Variants in RABIF observed in about 807,000 individuals in gnomAD.
RABIF encodes the protein RAB interacting factor.
A neutral mutation model predicts 12.3 loss-of-function variants in RABIF; 13 were observed. That is an observed-to-expected ratio of 1.06 (90% CI 0.69 to 1.68). RABIF has a LOEUF of 1.68. Ranked by LOEUF, RABIF falls within the 40% of genes most tolerant of loss-of-function variation. The pLI, the probability that RABIF is intolerant of heterozygous loss-of-function variation, is 0.00. For missense variants in RABIF, 153 were observed against 158.0 expected, an observed-to-expected ratio of 0.97 and a Z score of 0.17; for synonymous variants, 70 against 63.3, an observed-to-expected ratio of 1.11 and a Z score of -0.50.
At position 202,879,728 on chromosome 1, in the gene RABIF, G is replaced by A. The variant is rs1228285359; in HGVS notation, c.*1250C>T. On this transcript the variant is annotated 3_prime_UTR_variant, in exon 2 of 2. Coordinates refer to ENST00000367262, the MANE Select transcript of RABIF (RefSeq NM_002871.5). ...GGGTAAAGGAATGAGGAAGCAACTAGAAAACAATGGAAGGGACTTCAGATG... is the reference window on the plus strand; with the variant it reads ...GGGTAAAGGAATGAGGAAGCAACTAAAAAACAATGGAAGGGACTTCAGATG... The A allele has an allele frequency of 6.6e-6, 1 of 152,198 alleles. No individual in the cohort carries two copies. The highest frequency in any genetic ancestry group is 6.5e-5 in the Admixed American group (1 of 15,284). The allele number at this position is 152,198 out of a possible 1,614,324, so 9.4% of individuals were successfully genotyped here.
chr1:202,885,933 A>C (rs1659553266), intron 1 of RABIF, among the ~76,000 whole-genome samples: 1 of 151,486 alleles, frequency 6.6e-6, no homozygotes, highest in Non-Finnish European at 1.5e-5. Flanking sequence ...AATTTCCAGA[A>C]ATACTGAAGC....
At chr1:202,887,762 C>A (rs1659585731) in intron 1 of RABIF, among the ~76,000 whole-genome samples, 1 of 152,126 alleles carries the variant, frequency 6.6e-6, no homozygotes, top group African/African-American at 2.4e-5. Context: ...CCTCGGCCTC[C>A]CAAAGTGCTG....
chr1:202,881,103 T>C lies in RABIF; in HGVS notation c.247A>G (p.Thr83Ala). 6.2e-7 allele frequency: 1 copy of C among 1,614,180 alleles called. No homozygotes were observed. Among genetic ancestry groups the C allele is most frequent in the Non-Finnish European group, 8.5e-7 (1 of 1,180,030 alleles). Residue 83 changes from threonine (T) to alanine (A), a missense_variant, in exon 2 of 2, where the codon ACC becomes GCC. Coordinates refer to ENST00000367262, the MANE Select transcript of RABIF (RefSeq NM_002871.5). ...DMFIFENVGF[T>A]KDVGNIKFLV... ...AACTTGATGTTGCCCACGTCCTTGG[T>C]GAAGCCCACATTCTCAAAAATGAAC...
In RABIF at chr1:202,888,886, A is replaced by G; in HGVS notation, c.126+87T>C. The stretch of plus-strand genomic sequence containing the variant: ...GCGCGAGGAGGGCGCGGTTGCCGGA[A>G]ATTGAAGAGCCGGGGTTCAGATTCT... On this transcript the variant is annotated intron_variant, in intron 1 of 1. Coordinates refer to ENST00000367262, the MANE Select transcript of RABIF (RefSeq NM_002871.5). The G allele has an allele frequency of 3.5e-6, 5 of 1,420,782 alleles. 1 individual carries two copies. In the South Asian group the frequency reaches 6.0e-5, roughly 17 times the overall value. 88.0% of individuals were successfully genotyped at this position (1,420,782 alleles called of 1,614,324 possible).
At chr1:202,887,734 C>T (rs1659585176) in intron 1 of RABIF, among the ~76,000 whole-genome samples, 1 of 151,940 alleles carries the variant, frequency 6.6e-6, no homozygotes, top group Non-Finnish European at 1.5e-5. Flanking sequence ...ACACTCCTGA[C>T]CTCAGGTGTT....
intron 1 of RABIF, among the ~76,000 whole-genome samples, chr1:202,884,802 G>A (rs564347365): frequency 2.6e-5 from 4 of 152,028 alleles, no homozygotes; most frequent in East Asian, 1.9e-4. Context: ...ATCATTGTTC[G>A]GGCCGGGCAC....
At chr1:202,888,795 T>A (rs925835201) in intron 1 of RABIF, among the ~76,000 whole-genome samples, 178 bp downstream of exon 1, 3 of 152,186 alleles carry the variant, frequency 2.0e-5, no homozygotes, top group Admixed American at 1.3e-4. Context: ...GTTCCCTCCC[T>A]AGCCTTCAGC....
At chr1:202,884,066 C>T (rs1158034384) in intron 1 of RABIF, among the ~76,000 whole-genome samples, 3 of 152,094 alleles carry the variant, frequency 2.0e-5, no homozygotes, top group Non-Finnish European at 4.4e-5. Flanking sequence ...CAACTTGGTG[C>T]GAAGTTGCCA....
Position 202,881,037 on chromosome 1 carries a change from G to A in RABIF, c.313C>T (p.His105Tyr), listed in dbSNP as rs915853014. 5 of 1,614,020 alleles carry A rather than the reference G, an allele frequency of 3.1e-6. No homozygotes were observed. The highest frequency in any genetic ancestry group is 1.3e-5 in the African/African-American group (1 of 74,912). Residue 105 changes from histidine (H) to tyrosine (Y), a missense_variant, in exon 2 of 2, where the codon CAT becomes TAT. Physicochemically the swap from His to Tyr is moderately conservative, Grantham distance 83. Around this residue, in one of 2 missense-constraint regions of RABIF, gnomAD observed 40 missense variants for 67.1 expected, o/e 0.60. Transcript: ENST00000367262. ...AAACTGTTCTTGTCATCTAGGCAATGCCAGCCAATTGGTCCAATTTCACAG... is the reference window on the plus strand; with the variant it reads ...AAACTGTTCTTGTCATCTAGGCAATACCAGCCAATTGGTCCAATTTCACAG... ...ADCEIGPIGWHCLDDKNSFYV... is the reference protein window; with the variant it reads ...ADCEIGPIGWYCLDDKNSFYV...
intron 1 of RABIF, among the ~76,000 whole-genome samples, chr1:202,884,374 T>G (rs1659530486): frequency 1.3e-5 from 2 of 152,184 alleles, no homozygotes; most frequent in Admixed American, 1.3e-4. Context: ...TTACTTGTGT[T>G]GTTTTCAAAA....
At chr1:202,883,774 C>T (rs1227421730) in intron 1 of RABIF, among the ~76,000 whole-genome samples, 1 of 152,152 alleles carries the variant, frequency 6.6e-6, no homozygotes, top group Non-Finnish European at 1.5e-5. Flanking sequence ...AAGGTACTAC[C>T]ATAATTAACG....
chr1:202,886,223 C>CAACGGGG, intron 1 of RABIF, among the ~76,000 whole-genome samples: 1 of 40,436 alleles, frequency 2.5e-5, no homozygotes, highest in East Asian at 1.3e-3. Flanking sequence ...TGACAGAGCA[C>CAACGGGG]AACGGGGAAC....
intron 1 of RABIF, among the ~76,000 whole-genome samples, chr1:202,888,705 C>T (rs1428880988): frequency 3.3e-5 from 5 of 152,116 alleles, no homozygotes; most frequent in African/African-American, 1.2e-4. Flanking sequence ...GAAGCCCCCC[C>T]GGGGGCAGAG....
rs1397725649 is a variant in RABIF, at chr1:202,879,859, C to A, written c.*1119G>T. On this transcript the variant is annotated 3_prime_UTR_variant, in exon 2 of 2. Transcript: ENST00000367262. ...TGGTTATATAATAAACTTCCTTCTA[C>A]GACAGTGAGTCATTTCAGAATAGAA... is the stretch of plus-strand genomic sequence containing the variant. 2.0e-5 allele frequency: 3 copies of A among 152,104 alleles called. No homozygotes were observed. Among genetic ancestry groups the A allele is most frequent in the Admixed American group, 6.5e-5 (1 of 15,280 alleles). 9.4% of individuals were successfully genotyped at this position (152,104 alleles called of 1,614,324 possible).
At chr1:202,886,422 C>T (rs1363554180) in intron 1 of RABIF, among the ~76,000 whole-genome samples, 1 of 152,000 alleles carries the variant, frequency 6.6e-6, no homozygotes, top group African/African-American at 2.4e-5. Context: ...CCCATCTCTA[C>T]TAAAAATACA....
chr1:202,881,999 T>C (rs1431670451), intron 1 of RABIF, among the ~76,000 whole-genome samples: 1 of 152,258 alleles, frequency 6.6e-6, no homozygotes, highest in African/African-American at 2.4e-5. Flanking sequence ...TATTGAGGTA[T>C]AATTGACATA....
chr1:202,882,808 T>C (rs1368247601), intron 1 of RABIF, among the ~76,000 whole-genome samples: 3 of 152,182 alleles, frequency 2.0e-5, no homozygotes, highest in South Asian at 4.1e-4. Context: ...ACTAGATCTC[T>C]AGTGCTTAGA....
rs755297423 is a variant in RABIF, at chr1:202,881,240, C to T, written c.127-17G>A. Reference sequence around the variant, plus strand: ...AAGGAAAAGCTGCAGTGGGAAAGAACATAAAGAACGCAGAAGTTGAACTGG... The same window carrying T: ...AAGGAAAAGCTGCAGTGGGAAAGAATATAAAGAACGCAGAAGTTGAACTGG... On this transcript the variant is annotated splice_polypyrimidine_tract_variant and intron_variant, in intron 1 of 1. Transcript: ENST00000367262. The T allele has an allele frequency of 1.2e-6, 2 of 1,604,604 alleles. No individual in the cohort carries two copies. Among genetic ancestry groups the T allele is most frequent in the Admixed American group, 3.4e-5 (2 of 59,256 alleles).
chr1:202,888,900 G>A (rs1383453795), intron 1 of RABIF, 73 bp downstream of exon 1: 3 of 1,436,594 alleles, frequency 2.1e-6, no homozygotes, highest in South Asian at 1.4e-5. Context: ...GAAGAGCCGG[G>A]GTTCAGATTC....
Sources: allele counts gnomAD v4.1 joint callset (sites outside exome capture counted in the v4.1 genomes callset), GRCh38; gene constraint gnomAD v4.1.1; regional missense constraint gnomAD v4.1.1; transcripts MANE v1.5; gene names NCBI Gene and HGNC (gene_info 2026-07-23, HGNC 2026-07-21).